Variants in ANKRD29 observed in about 807,000 individuals in gnomAD.
ANKRD29 encodes ankyrin repeat domain 29.
A neutral mutation model predicts 38.0 loss-of-function variants in ANKRD29; 32 were observed. The ratio of observed to expected loss-of-function variants is 0.84; its 90% CI spans 0.64 to 1.13. The LOEUF (loss-of-function observed/expected upper bound fraction) is 1.13, where lower values mean the gene tolerates loss of function less well. Ranked by LOEUF, ANKRD29 falls within the 50% of genes most tolerant of loss-of-function variation. The pLI, the probability that ANKRD29 is intolerant of heterozygous loss-of-function variation, is 0.00. For synonymous variants in ANKRD29, 135 were observed against 152.4 expected (o/e 0.89, Z 0.84); for missense variants, 357 against 377.9 (o/e 0.94, Z 0.46).
intron 6 of ANKRD29, among the ~76,000 whole-genome samples, chr18:23,628,765 C>T (rs1370809284): frequency 6.7e-6 from 1 of 148,692 alleles, no homozygotes; most frequent in Non-Finnish European, 1.5e-5. Flanking sequence ...ACCCAGGAGG[C>T]GAAGGTTACA....
chr18:23,624,107 T>G (rs1350059818), intron 6 of ANKRD29, among the ~76,000 whole-genome samples: 1 of 152,052 alleles, frequency 6.6e-6, no homozygotes, highest in Non-Finnish European at 1.5e-5. Context: ...ACTTTGATAT[T>G]TTTAATACTT....
At chr18:23,611,094 T>G (rs1456284870) in intron 9 of ANKRD29, among the ~76,000 whole-genome samples, 2 of 152,232 alleles carry the variant, frequency 1.3e-5, no homozygotes, top group Non-Finnish European at 2.9e-5. Context: ...TTTAAAAAAA[T>G]TCTTATTGTG....
At chr18:23,646,365 G>T (rs1299796697) in intron 2 of ANKRD29, 78 bp from the exon 3 acceptor site, 4 of 1,309,632 alleles carry the variant, frequency 3.1e-6, no homozygotes, top group Non-Finnish European at 4.3e-6. Flanking sequence ...ATGCTGCAGA[G>T]ATGTCAGCTC....
At chr18:23,616,554 ATATATATATACACTATATATACAG>A (rs1195547711) in intron 8 of ANKRD29, among the ~76,000 whole-genome samples, 5 of 140,132 alleles carry the variant, frequency 3.6e-5, no homozygotes, top group Non-Finnish European at 6.0e-5. Context: ...TATATAGTAT[ATATATATATACACTATATATACAG>A]TATATATATA....
rs569386375 is a variant in ANKRD29 at position 23,599,261 on chromosome 18, G to A, written c.*1965C>T. On this transcript the variant is annotated 3_prime_UTR_variant, in exon 10 of 10. Coordinates refer to ENST00000592179, the MANE Select transcript of ANKRD29 (RefSeq NM_173505.4). ...AGACACCTCTTCCCTACAGTAAGAA[G>A]GCCTCCATATTGTTCAAGCTACTGG... The A allele has an allele frequency of 1.3e-5, 2 of 152,294 alleles. No individual in the cohort carries two copies. Among genetic ancestry groups the A allele is most frequent in the Non-Finnish European group, 2.9e-5 (2 of 68,024 alleles). The allele number at this position is 152,294 out of a possible 1,614,324, so 9.4% of individuals were successfully genotyped here.
At chr18:23,620,307 C>T (rs1056545489) in intron 6 of ANKRD29, among the ~76,000 whole-genome samples, 11 of 152,130 alleles carry the variant, frequency 7.2e-5, no homozygotes, top group Non-Finnish European at 1.2e-4. Context: ...AAACTAGTTA[C>T]GGCAGGACAG....
intron 4 of ANKRD29, among the ~76,000 whole-genome samples, chr18:23,636,262 A>C (rs920696413): frequency 5.9e-5 from 9 of 151,880 alleles, no homozygotes; most frequent in Admixed American, 1.3e-4. Flanking sequence ...TAGCCTCTTG[A>C]GTAGCTGGGA....
At position 23,599,056 on chromosome 18, in the gene ANKRD29, T is replaced by C; in HGVS notation, c.*2170A>G. The C allele has an allele frequency of 6.6e-6, 1 of 152,182 alleles. No individual in the cohort carries two copies. Among genetic ancestry groups the C allele is most frequent in the East Asian group, 1.9e-4 (1 of 5,200 alleles). The allele number at this position is 152,182 out of a possible 1,614,324, so 9.4% of individuals were successfully genotyped here. A position where few individuals can be genotyped will look rare whatever the true frequency, so the allele number is the denominator to read the frequency against. On this transcript the variant is annotated 3_prime_UTR_variant, in exon 10 of 10. Coordinates refer to ENST00000592179, the MANE Select transcript of ANKRD29 (RefSeq NM_173505.4). ...GCATAGGAATTGCTAGTTTTAAGTC[T>C]TAGGATGCGGAGCTAACTGAATTGT...
rs1209696680 is a variant in ANKRD29, at chr18:23,599,430, C to G, written c.*1796G>C. 6.6e-6 allele frequency: 1 copy of G among 152,194 alleles called. No individual in the cohort carries two copies. Among genetic ancestry groups the G allele is most frequent in the Non-Finnish European group, 1.5e-5 (1 of 68,034 alleles). The allele number at this position is 152,194 out of a possible 1,614,324, so 9.4% of individuals were successfully genotyped here. A position where few individuals can be genotyped will look rare whatever the true frequency, so the allele number is the denominator to read the frequency against. On this transcript the variant is annotated 3_prime_UTR_variant, in exon 10 of 10. Coordinates refer to ENST00000592179, the MANE Select transcript of ANKRD29 (RefSeq NM_173505.4). ...CTTTTGGAACTTTGTTATCAGTACC[C>G]ATAACGTTTTGCTTTGTATCAGTGA...
chr18:23,640,953 G>A (rs553110191), intron 3 of ANKRD29, among the ~76,000 whole-genome samples: 3 of 152,156 alleles, frequency 2.0e-5, no homozygotes, highest in Non-Finnish European at 2.9e-5. Flanking sequence ...TAAGGGCCTG[G>A]GTGTCTCTGT....
intron 9 of ANKRD29, among the ~76,000 whole-genome samples, chr18:23,608,513 C>CCA (rs1361105055): frequency 6.6e-6 from 1 of 152,200 alleles, no homozygotes; most frequent in African/African-American, 2.4e-5. Flanking sequence ...TTCCATTATT[C>CCA]TAGGAGATGC....
intron 1 of ANKRD29, among the ~76,000 whole-genome samples, chr18:23,652,985 T>C (rs2060229015): frequency 6.6e-6 from 1 of 152,250 alleles, no homozygotes; most frequent in African/African-American, 2.4e-5. Context: ...ACTGTACTTT[T>C]CTACATTTAC....
chr18:23,652,653 A>G (rs1001232631), intron 1 of ANKRD29, among the ~76,000 whole-genome samples: 1 of 152,178 alleles, frequency 6.6e-6, no homozygotes, highest in Non-Finnish European at 1.5e-5. Flanking sequence ...TTTAAAGGAG[A>G]CAGTGCACGT....
At chr18:23,619,766 T>C in intron 6 of ANKRD29, 137 bp from the exon 7 acceptor site, 1 of 656,160 alleles carries the variant, frequency 1.5e-6, no homozygotes, top group Non-Finnish European at 2.5e-6. Flanking sequence ...ACTCTGCAGC[T>C]GATCCACACC....
intron 6 of ANKRD29, among the ~76,000 whole-genome samples, chr18:23,628,227 T>C (rs891843148): frequency 2.0e-5 from 3 of 152,198 alleles, no homozygotes; most frequent in Non-Finnish European, 2.9e-5. Context: ...TTGGCAGAGA[T>C]GGATTGAGAA....
chr18:23,631,407 AT>A (rs576582865), intron 5 of ANKRD29, among the ~76,000 whole-genome samples: 245 of 150,972 alleles, frequency 1.6e-3, no homozygotes, highest in Non-Finnish European at 2.7e-3. Flanking sequence ...CATCCAGTTA[AT>A]TTTTTAAAAA....
Position 23,617,052 on chromosome 18 carries a change from C to T in ANKRD29, c.723+680G>A, listed in dbSNP as rs566881178. 9.2e-5 allele frequency among the ~76,000 whole-genome samples: 14 copies of T among 152,076 alleles called. No homozygotes were observed. The Middle Eastern group carries it at 0.014, about 148-fold the overall frequency. ...TGGCCAATATGGTGAAACCCCGTCT[C>T]TACTAAAAATACAAAAAGCTGGGTG... is the stretch of plus-strand genomic sequence containing the variant. On this transcript the variant is annotated intron_variant, in intron 8 of 9. Transcript: ENST00000592179.
At chr18:23,613,070 T>G (rs375025394) in intron 8 of ANKRD29, among the ~76,000 whole-genome samples, 1 of 152,258 alleles carries the variant, frequency 6.6e-6, no homozygotes, top group East Asian at 1.9e-4. Context: ...TGGTTGCTTT[T>G]AAGTATGTAT....
At chr18:23,617,497 C>T (rs997431481) in intron 8 of ANKRD29, among the ~76,000 whole-genome samples, 2 of 151,788 alleles carry the variant, frequency 1.3e-5, no homozygotes, top group African/African-American at 2.4e-5. Flanking sequence ...TTACTACTGT[C>T]GATTTTTTTT....
Sources: allele counts gnomAD v4.1 joint callset (sites outside exome capture counted in the v4.1 genomes callset), GRCh38; gene constraint gnomAD v4.1.1; transcripts MANE v1.5; gene names NCBI Gene and HGNC (gene_info 2026-07-23, HGNC 2026-07-21).